Variants in ITFG1 observed in about 807,000 individuals in gnomAD.
The protein encoded by ITFG1 is T-cell immunomodulatory protein.
In ITFG1, 34 loss-of-function variants were observed where a neutral mutation model predicts 81.8. That is an observed-to-expected ratio of 0.42 (90% confidence interval 0.32 to 0.55). The LOEUF is 0.55. Among genes scored for constraint, ITFG1 ranks in the 20% least tolerant of loss-of-function variants. The probability of loss-of-function intolerance (pLI) is 0.17; values close to 1 mark genes in which losing one functional copy is unlikely to be tolerated. For synonymous variants in ITFG1, 285 were observed against 270.6 expected, an observed-to-expected ratio of 1.05 and a Z score of -0.52; for missense variants, 672 against 755.4, an observed-to-expected ratio of 0.89 and a Z score of 1.29.
At chr16:47,192,076 G>GC (rs1965299881) in intron 14 of ITFG1, among the ~76,000 whole-genome samples, 1 of 152,224 alleles carries the variant, frequency 6.6e-6, no homozygotes, top group South Asian at 2.1e-4. Flanking sequence ...ACCACACCTA[G>GC]CCCACAGTTA....
intron 13 of ITFG1, among the ~76,000 whole-genome samples, chr16:47,221,028 A>G (rs938387089): frequency 1.3e-5 from 2 of 152,204 alleles, no homozygotes; most frequent in African/African-American, 4.8e-5. Context: ...GAAAACCAAC[A>G]GCTTTGCAAG....
chr16:47,189,922 C>T (rs116359600), intron 14 of ITFG1, among the ~76,000 whole-genome samples: 2,782 of 152,192 alleles, frequency 0.018, 82 homozygotes, highest in African/African-American at 0.063. Context: ...AACCAAACTG[C>T]ATTAGGTGTT....
chr16:47,266,550 A>G (rs566565563), intron 10 of ITFG1, among the ~76,000 whole-genome samples: 1 of 152,334 alleles, frequency 6.6e-6, no homozygotes, highest in Non-Finnish European at 1.5e-5. Flanking sequence ...AAGATAGATA[A>G]TAACTAGTGT....
chr16:47,393,830 C>T (rs1968562271), intron 6 of ITFG1, among the ~76,000 whole-genome samples: 2 of 152,094 alleles, frequency 1.3e-5, no homozygotes, highest in Non-Finnish European at 2.9e-5. Flanking sequence ...AAACATTTGG[C>T]TATTACATGT....
At chr16:47,346,326 C>G (rs1005737817) in intron 8 of ITFG1, among the ~76,000 whole-genome samples, 1 of 152,140 alleles carries the variant, frequency 6.6e-6, no homozygotes, top group African/African-American at 2.4e-5. Flanking sequence ...CAACATGCTC[C>G]TGAAGAACCA....
intron 13 of ITFG1, among the ~76,000 whole-genome samples, chr16:47,234,017 T>G (rs1184310384): frequency 6.6e-6 from 1 of 152,214 alleles, no homozygotes; most frequent in Non-Finnish European, 1.5e-5. Context: ...CCCAGTCAGA[T>G]CAACCTTAAA....
chr16:47,190,155 C>T (rs527443234), intron 14 of ITFG1, among the ~76,000 whole-genome samples: 33 of 152,026 alleles, frequency 2.2e-4, no homozygotes, highest in African/African-American at 7.0e-4. Flanking sequence ...AGATCTGTAC[C>T]TCTCTGAGAG....
intron 8 of ITFG1, among the ~76,000 whole-genome samples, chr16:47,336,017 T>G (rs1382961706): frequency 1.3e-5 from 2 of 152,200 alleles, no homozygotes; most frequent in African/African-American, 4.8e-5. Flanking sequence ...TACAATGGAA[T>G]ACCACTCAGC....
At chr16:47,208,750 A>G (rs1298554385) in intron 14 of ITFG1, among the ~76,000 whole-genome samples, 1 of 152,174 alleles carries the variant, frequency 6.6e-6, no homozygotes, top group Non-Finnish European at 1.5e-5. Context: ...CTCATCCTAC[A>G]TAAGTGGGAT....
intron 14 of ITFG1, among the ~76,000 whole-genome samples, chr16:47,183,912 C>T (rs1022656926): frequency 1.4e-4 from 22 of 152,084 alleles, no homozygotes; most frequent in Admixed American, 5.9e-4. Flanking sequence ...GAATGTATAA[C>T]TACAATAACC....
At chr16:47,378,625 G>T (rs1214625360) in intron 6 of ITFG1, among the ~76,000 whole-genome samples, 1 of 152,032 alleles carries the variant, frequency 6.6e-6, no homozygotes, top group East Asian at 1.9e-4. Context: ...TTAAAACTTT[G>T]AAAAGTAGTA....
At chr16:47,344,162 C>A (rs1227312474) in intron 8 of ITFG1, among the ~76,000 whole-genome samples, 1 of 152,006 alleles carries the variant, frequency 6.6e-6, no homozygotes, top group Non-Finnish European at 1.5e-5. Context: ...TACTTAGAGG[C>A]ATAGAAAAAG....
At chr16:47,189,593 C>G (rs557654045) in intron 14 of ITFG1, among the ~76,000 whole-genome samples, 35 of 152,302 alleles carry the variant, frequency 2.3e-4, no homozygotes, top group East Asian at 1.3e-3. Context: ...GTGGTTTACC[C>G]ATTCATCAGT....
At chr16:47,341,529 A>C (rs1967784699) in intron 8 of ITFG1, among the ~76,000 whole-genome samples, 1 of 151,898 alleles carries the variant, frequency 6.6e-6, no homozygotes, top group African/African-American at 2.4e-5. Context: ...TAGCTTTAGA[A>C]GAAAAAAGAT....
At chr16:47,192,925 T>C (rs1403726385) in intron 14 of ITFG1, among the ~76,000 whole-genome samples, 1 of 152,146 alleles carries the variant, frequency 6.6e-6, no homozygotes, top group East Asian at 1.9e-4. Context: ...CTCTAGCAAT[T>C]AGTCAATCGC....
At chr16:47,368,555 CAAAAAAAAAAAAA>C (rs35965452) in intron 7 of ITFG1, among the ~76,000 whole-genome samples, 1 of 33,548 alleles carries the variant, frequency 3.0e-5, no homozygotes, top group Non-Finnish European at 4.8e-5. Flanking sequence ...GACTCCATCT[CAAAAAAAAAAAAA>C]AAAAAAAAAA....
At chr16:47,357,382 A>AG (rs1968053587) in intron 8 of ITFG1, among the ~76,000 whole-genome samples, 1 of 152,080 alleles carries the variant, frequency 6.6e-6, no homozygotes. Flanking sequence ...TGGGAGGCTG[A>AG]GGTGGGCGGA....
intron 6 of ITFG1, among the ~76,000 whole-genome samples, chr16:47,397,616 G>A (rs1968609286): frequency 1.3e-5 from 2 of 152,248 alleles, no homozygotes; most frequent in African/African-American, 4.8e-5. Context: ...GCCAGGTATG[G>A]TGCTAAACTA....
chr16:47,167,397 A>G (rs912572281), intron 14 of ITFG1, among the ~76,000 whole-genome samples: 5 of 152,268 alleles, frequency 3.3e-5, no homozygotes, highest in African/African-American at 1.2e-4. Context: ...TTCCACCACA[A>G]AAGAAGTGTA....
Sources: allele counts gnomAD v4.1 joint callset (sites outside exome capture counted in the v4.1 genomes callset), GRCh38; gene constraint gnomAD v4.1.1; transcripts MANE v1.5; gene names NCBI Gene and HGNC (gene_info 2026-07-23, HGNC 2026-07-21).